MYO1B: variants seen among roughly 807,000 people sequenced by gnomAD.
MYO1B encodes the protein unconventional myosin-Ib.
In MYO1B, 72 loss-of-function variants were observed where a neutral mutation model predicts 159.7. The ratio of observed to expected loss-of-function variants is 0.45; its 90% confidence interval spans 0.37 to 0.55. MYO1B has a LOEUF of 0.55. Among genes scored for constraint, MYO1B ranks in the 20% least tolerant of loss-of-function variants. The pLI is 0.00. For synonymous variants in MYO1B, 468 were observed against 473.8 expected, an observed-to-expected ratio of 0.99 and a Z score of 0.16; for missense variants, 1,062 against 1,364.8, an observed-to-expected ratio of 0.78 and a Z score of 3.50.
chr2:191,411,676 C>T (rs1697257205), intron 27 of MYO1B, among the ~76,000 whole-genome samples: 2 of 152,152 alleles, frequency 1.3e-5, no homozygotes, highest in Admixed American at 1.3e-4. Context: ...GGTCTGCTAA[C>T]TCAACGGATA....
At chr2:191,340,325 C>T (rs1233061604) in intron 4 of MYO1B, among the ~76,000 whole-genome samples, 1 of 152,066 alleles carries the variant, frequency 6.6e-6, no homozygotes, top group Non-Finnish European at 1.5e-5. Context: ...AAAGTGGTTT[C>T]ACTGCATCTG....
chr2:191,284,182 C>A (rs1001277749), intron 2 of MYO1B, among the ~76,000 whole-genome samples: 9 of 152,194 alleles, frequency 5.9e-5, no homozygotes, highest in Non-Finnish European at 1.3e-4. Flanking sequence ...GAAGAGGAAG[C>A]AGTTCGGCAC....
chr2:191,405,729 G>T (rs867895081), intron 24 of MYO1B, among the ~76,000 whole-genome samples: 3 of 152,170 alleles, frequency 2.0e-5, no homozygotes, highest in Admixed American at 6.5e-5. Flanking sequence ...CTCAATATGG[G>T]GCTTAAGATA....
intron 1 of MYO1B, among the ~76,000 whole-genome samples, chr2:191,248,889 G>A (rs1376382890): frequency 1.3e-5 from 2 of 152,122 alleles, no homozygotes; most frequent in African/African-American, 4.8e-5. Context: ...TATTGTAGTT[G>A]ATTCTTCCAA....
At chr2:191,336,640 A>G (rs948495803) in intron 4 of MYO1B, among the ~76,000 whole-genome samples, 6 of 152,142 alleles carry the variant, frequency 3.9e-5, no homozygotes, top group Admixed American at 6.5e-5. Flanking sequence ...GGAACACTTC[A>G]CTGCTGCCTG....
chr2:191,247,702 C>T (rs1289053649), intron 1 of MYO1B, among the ~76,000 whole-genome samples: 1 of 152,174 alleles, frequency 6.6e-6, no homozygotes, highest in African/African-American at 2.4e-5. Flanking sequence ...AAATACAACA[C>T]GATTGAATTC....
At position 191,409,084 on chromosome 2, in the gene MYO1B, C is replaced by T; in HGVS notation, c.2672C>T (p.Ser891Phe). Residue 891 changes from serine to phenylalanine, a missense_variant, in exon 26 of 31, where the codon TCC (serine) becomes TTC (phenylalanine). By Grantham distance (155) the Ser-to-Phe change is radical. Coordinates refer to ENST00000392318, the MANE Select transcript of MYO1B (RefSeq NM_001130158.3). ...YFLEMKNKMP[S>F]LSPIDKNWPS... ...TTGGAAATGAAAAATAAGATGCCTT[C>T]CTTATCTCCAATAGACAAGAATTGG... 1.2e-6 allele frequency: 2 copies of T among 1,612,384 alleles called. No homozygotes were observed. The highest frequency in any genetic ancestry group is 1.7e-5 in the Admixed American group (1 of 59,704).
chr2:191,251,173 C>A (rs373724630), intron 1 of MYO1B, among the ~76,000 whole-genome samples: 2 of 152,220 alleles, frequency 1.3e-5, no homozygotes, highest in Admixed American at 6.5e-5. Flanking sequence ...TTTCTTACCC[C>A]CTTGCTGGCC....
Position 191,383,351 on chromosome 2 carries a change from T to G in MYO1B, c.1353+9T>G. The G allele has an allele frequency of 1.3e-6, 2 of 1,545,044 alleles. No individual in the cohort carries two copies. The highest frequency in any genetic ancestry group is 1.7e-6 in the Non-Finnish European group (2 of 1,143,552). ...GTGACCTAATAGAAAATGTGAGTAC[T>G]TAGGTACAGTTTTCTAAAGAATGTT... is the stretch of plus-strand genomic sequence containing the variant. On this transcript the variant is annotated intron_variant, in intron 15 of 30. Coordinates refer to ENST00000392318, the MANE Select transcript of MYO1B (RefSeq NM_001130158.3).
intron 3 of MYO1B, among the ~76,000 whole-genome samples, chr2:191,301,761 G>A (rs139639470): frequency 2.0e-5 from 3 of 152,288 alleles, no homozygotes; most frequent in East Asian, 3.9e-4. Context: ...AGTTGCAATA[G>A]CACTGTGACA....
chr2:191,378,334 G>A (rs1694838109), intron 13 of MYO1B, among the ~76,000 whole-genome samples: 1 of 151,924 alleles, frequency 6.6e-6, no homozygotes, highest in South Asian at 2.1e-4. Flanking sequence ...ATTTCACCTG[G>A]GTACAGGCAG....
Position 191,408,066 on chromosome 2 carries a change from C to T in MYO1B, c.2557-49C>T, listed in dbSNP as rs1326097137. The T allele has an allele frequency of 1.0e-5, 13 of 1,278,080 alleles. No individual in the cohort carries two copies. The East Asian group carries it at 1.9e-4, about 18-fold the overall frequency. 79.2% of individuals were successfully genotyped at this position (1,278,080 alleles called of 1,614,324 possible). On this transcript the variant is annotated intron_variant, in intron 24 of 30. Transcript: ENST00000392318. The stretch of plus-strand genomic sequence containing the variant: ...TTAATAGAGGTGTATCATTATGGAC[C>T]TGTACCAGCCACACATTAACCACTG...
intron 2 of MYO1B, among the ~76,000 whole-genome samples, chr2:191,294,411 A>G (rs192272111): frequency 6.6e-6 from 1 of 152,362 alleles, no homozygotes; most frequent in African/African-American, 2.4e-5. Flanking sequence ...TTTTTAACCA[A>G]TAGATGTTAA....
At chr2:191,396,587 GGCTCCTCT>G (rs140669206) in intron 21 of MYO1B, 90 bp downstream of exon 21, 37,871 of 1,240,124 alleles carry the variant, frequency 0.031, 1,106 homozygotes, top group African/African-American at 0.12. Context: ...GCAGAGGAGG[GGCTCCTCT>G]GTCTCCTGCC....
At chr2:191,378,887 T>C (rs1437911957) in intron 13 of MYO1B, among the ~76,000 whole-genome samples, 1 of 152,170 alleles carries the variant, frequency 6.6e-6, no homozygotes, top group Non-Finnish European at 1.5e-5. Context: ...ATTTGTCATA[T>C]AGAATTACTG....
chr2:191,275,448 A>G (rs538738925), intron 1 of MYO1B, among the ~76,000 whole-genome samples: 1 of 152,298 alleles, frequency 6.6e-6, no homozygotes, highest in African/African-American at 2.4e-5. Context: ...GTAATTAATA[A>G]TAATGAATTT....
At chr2:191,278,081 C>A (rs1461703540) in intron 2 of MYO1B, among the ~76,000 whole-genome samples, 2 of 152,080 alleles carry the variant, frequency 1.3e-5, no homozygotes, top group Non-Finnish European at 2.9e-5. Flanking sequence ...TCTAGATAGC[C>A]AACTCTCTTT....
chr2:191,307,592 G>A (rs1377748608), intron 3 of MYO1B, among the ~76,000 whole-genome samples: 3 of 151,986 alleles, frequency 2.0e-5, no homozygotes, highest in Non-Finnish European at 2.9e-5. Flanking sequence ...GAACACCTCC[G>A]ACAAACTCAG....
chr2:191,368,335 T>C (rs549066932), intron 11 of MYO1B, among the ~76,000 whole-genome samples: 3 of 152,262 alleles, frequency 2.0e-5, no homozygotes, highest in Non-Finnish European at 4.4e-5. Flanking sequence ...ATGTTGAAAA[T>C]AGCAACAAAA....
Sources: gnomAD v4.1 joint callset for allele counts (sites outside exome capture counted in the v4.1 genomes callset) on GRCh38, gnomAD v4.1.1 for gene constraint, MANE v1.5 for transcripts, NCBI Gene and HGNC (gene_info 2026-07-23, HGNC 2026-07-21) for gene names.